Variants in PRKCG observed in about 807,000 individuals in gnomAD.
The protein encoded by PRKCG is protein kinase C gamma, also known as protein kinase C gamma type.
A neutral mutation model predicts 82.0 loss-of-function variants in PRKCG; 28 were observed. That is an observed-to-expected ratio of 0.34 (90% confidence interval 0.25 to 0.47). PRKCG has a LOEUF of 0.47. Ranked by LOEUF, PRKCG falls within the 20% of genes least tolerant of loss-of-function variation. PRKCG has a pLI of 1.00. For missense variants in PRKCG, 640 were observed against 952.7 expected, an observed-to-expected ratio of 0.67 and a Z score of 4.32; for synonymous variants, 383 against 376.6, an observed-to-expected ratio of 1.02 and a Z score of -0.20.
At chr19:53,904,522 T>C (rs977919144) in intron 15 of PRKCG, 113 bp from the exon 16 acceptor site, 9 of 823,320 alleles carry the variant, frequency 1.1e-5, no homozygotes, top group Admixed American at 4.0e-5. Context: ...CAGGTGTGCA[T>C]GTGGGGCGTG....
At chr19:53,890,183 C>G (rs894961859) in intron 5 of PRKCG, among the ~76,000 whole-genome samples, 166 bp downstream of exon 5, 32 of 152,294 alleles carry the variant, frequency 2.1e-4, no homozygotes, top group African/African-American at 7.7e-4. Flanking sequence ...GCACACCCAG[C>G]CATACCCCTT....
rs1183308331 is a variant in PRKCG, at chr19:53,883,684, G to C, written c.203-477G>C. ...CTTGAGCACCAGCTGCTACTGCTGA[G>C]AACAGAGTGAGTCAGGGTGGGGGGC... On this transcript the variant is annotated intron_variant, in intron 2 of 17. Transcript: ENST00000263431. This position sits in a 1 kb window ranked among gnomAD's most constrained non-coding sequence, Gnocchi z 5.4. Among the ~76,000 whole-genome samples, 1 of 131,676 alleles carries C rather than the reference G, an allele frequency of 7.6e-6. No individual in the cohort carries two copies. The highest frequency in any genetic ancestry group is 7.7e-5 in the Admixed American group (1 of 12,966). The allele number at this position is 131,676 out of a possible 152,430, so 86.4% of individuals were successfully genotyped here.
At chr19:53,902,940 A>G (rs1210431312) in intron 14 of PRKCG, 133 bp from the exon 15 acceptor site, 2 of 697,460 alleles carry the variant, frequency 2.9e-6, no homozygotes, top group African/African-American at 3.6e-5. Context: ...CACCTGATGA[A>G]ATAAATATTC....
chr19:53,903,590 C>A (rs1239631201), intron 15 of PRKCG, among the ~76,000 whole-genome samples: 1 of 152,070 alleles, frequency 6.6e-6, no homozygotes, highest in Non-Finnish European at 1.5e-5. Context: ...TCTTGATCAT[C>A]TTCTTAGCTG....
At chr19:53,894,355 A>G (rs1025412866) in intron 9 of PRKCG, among the ~76,000 whole-genome samples, 10 of 152,190 alleles carry the variant, frequency 6.6e-5, no homozygotes, top group South Asian at 2.1e-4. Flanking sequence ...GTGAGCCACC[A>G]CACCCAGCCG....
Position 53,892,690 on chromosome 19 carries a change from C to T in PRKCG, c.821+47C>T. On this transcript the variant is annotated intron_variant, in intron 7 of 17. Transcript: ENST00000263431. This position sits in a 1 kb window ranked among gnomAD's most constrained non-coding sequence, Gnocchi z 5.9. ...TGGGGATGGAGCGCAATATTACCAT[C>T]TCCATCTGTGTGTGGTCTCTCTCCT... is the stretch of plus-strand genomic sequence containing the variant. 6.3e-7 allele frequency: 1 copy of T among 1,591,852 alleles called. No individual in the cohort carries two copies. The highest frequency in any genetic ancestry group is 2.2e-5 in the East Asian group (1 of 44,508).
intron 8 of PRKCG, 96 bp from the exon 9 acceptor site, chr19:53,893,266 C>T (rs1454553334): frequency 1.3e-5 from 19 of 1,411,260 alleles, no homozygotes; most frequent in Non-Finnish European, 1.8e-5. Context: ...TCCTATCTAT[C>T]GCCATGGCTT....
chr19:53,890,941 A>T (rs1040289863), intron 5 of PRKCG, among the ~76,000 whole-genome samples: 11 of 149,452 alleles, frequency 7.4e-5, no homozygotes, highest in African/African-American at 2.7e-4. Context: ...TAGTAGAGAC[A>T]GGGTTTCACC....
At chr19:53,902,987 G>A in intron 14 of PRKCG, 86 bp from the exon 15 acceptor site, 1 of 880,970 alleles carries the variant, frequency 1.1e-6, no homozygotes, top group Admixed American at 1.7e-5. Context: ...CACTTAACGT[G>A]GGTAGCGCTC....
At chr19:53,890,127 C>T in intron 5 of PRKCG, 110 bp downstream of exon 5, 1 of 1,214,156 alleles carries the variant, frequency 8.2e-7, no homozygotes, top group Non-Finnish European at 1.2e-6. Context: ...GGCCACGCCT[C>T]TTTCTATGGT....
In PRKCG at chr19:53,892,485, C is replaced by G. The variant is rs200450431; in HGVS notation, c.687-24C>G. ...GGGAGCCATGAGCTCGGCTCTGCACCCCATCCACCCCACCTTCCTGCAGCA... is the reference window on the plus strand; with the variant it reads ...GGGAGCCATGAGCTCGGCTCTGCACGCCATCCACCCCACCTTCCTGCAGCA... On this transcript the variant is annotated intron_variant, in intron 6 of 17. Transcript: ENST00000263431. This position sits in a 1 kb window ranked among gnomAD's most constrained non-coding sequence, Gnocchi z 5.9. 2 of 1,605,656 alleles carry G rather than the reference C, an allele frequency of 1.2e-6. No individual in the cohort carries two copies. The highest frequency in any genetic ancestry group is 2.7e-5 in the African/African-American group (2 of 74,978).
In PRKCG at chr19:53,900,091, C is replaced by A; in HGVS notation, c.1282-142C>A. On this transcript the variant is annotated intron_variant, in intron 11 of 17. Transcript: ENST00000263431. The surrounding 1 kb of genome is among the most constrained non-coding windows in gnomAD (Gnocchi z 4.2). ...GTAGCAGGATTAGCACCTTAGGGCC[C>A]TCCCAGGGATGTGGCTAGGTGCTCT... The A allele has an allele frequency of 1.3e-6, 1 of 790,246 alleles. No homozygotes were observed. 49.0% of individuals were successfully genotyped at this position (790,246 alleles called of 1,614,324 possible).
At chr19:53,882,119 C>G (rs1287974736), upstream of PRKCG, 1 of 298,898 alleles carries the variant, frequency 3.3e-6, no homozygotes, top group Non-Finnish European at 6.4e-6. This position sits in a 1 kb window ranked among gnomAD's most constrained non-coding sequence, Gnocchi z 6.1. Flanking sequence ...TCCCGTGTCT[C>G]CGGGAGGGGA....
At chr19:53,888,053 C>T (rs903782616) in intron 3 of PRKCG, among the ~76,000 whole-genome samples, 6 of 152,142 alleles carry the variant, frequency 3.9e-5, no homozygotes, top group Admixed American at 2.0e-4. Context: ...TTAACAGCGA[C>T]GTTCACTTTT....
In PRKCG at chr19:53,889,996, G is replaced by T; in HGVS notation, c.508G>T (p.Ala170Ser). ...RLQLEIRAPT[A>S]DEIHVTVGEA... Reference sequence around the variant, plus strand: ...GCAGCTGGAGATCCGGGCTCCCACAGCAGATGAGATCCACGTAACTGGTGA... The same window carrying T: ...GCAGCTGGAGATCCGGGCTCCCACATCAGATGAGATCCACGTAACTGGTGA... Residue 170 changes from alanine to serine, a missense_variant, in exon 5 of 18, where the codon GCA becomes TCA. This residue lies in a region of PRKCG where 261 missense variants were observed against 312.1 expected (regional missense o/e 0.84). Transcript: ENST00000263431. This position sits in a 1 kb window ranked among gnomAD's most constrained non-coding sequence, Gnocchi z 4.4. 1 of 1,567,882 alleles carries T rather than the reference G, an allele frequency of 6.4e-7. No homozygotes were observed. Among genetic ancestry groups the T allele is most frequent in the Non-Finnish European group, 8.6e-7 (1 of 1,158,722 alleles).
In PRKCG at chr19:53,892,680, A is replaced by G. The variant is rs368802774; in HGVS notation, c.821+37A>G. ...GGCTGGGGCCTGGGGATGGAGCGCA[A>G]TATTACCATCTCCATCTGTGTGTGG... On this transcript the variant is annotated intron_variant, in intron 7 of 17. Transcript: ENST00000263431. This position sits in a 1 kb window ranked among gnomAD's most constrained non-coding sequence, Gnocchi z 5.9. 1.9e-6 allele frequency: 3 copies of G among 1,599,162 alleles called. No homozygotes were observed. Among genetic ancestry groups the G allele is most frequent in the Non-Finnish European group, 2.6e-6 (3 of 1,176,248 alleles).
At position 53,884,285 on chromosome 19, in the gene PRKCG, C is replaced by A. The variant is rs773249738; in HGVS notation, c.285+42C>A. 1 of 1,558,358 alleles carries A rather than the reference C, an allele frequency of 6.4e-7. No individual in the cohort carries two copies. Reference sequence around the variant, plus strand: ...CTGGTTCTCCTCCTCGGGCCGTGCCCCCGCCCTCACCCCCTCGGCGTCCGT... The same window carrying A: ...CTGGTTCTCCTCCTCGGGCCGTGCCACCGCCCTCACCCCCTCGGCGTCCGT... On this transcript the variant is annotated intron_variant, in intron 3 of 17. Transcript: ENST00000263431. This position sits in a 1 kb window ranked among gnomAD's most constrained non-coding sequence, Gnocchi z 4.6.
At chr19:53,896,765 G>GT (rs1299901316) in intron 9 of PRKCG, among the ~76,000 whole-genome samples, 1 of 152,186 alleles carries the variant, frequency 6.6e-6, no homozygotes, top group Non-Finnish European at 1.5e-5. Context: ...CAGTGTTACT[G>GT]TGTCTTAGCG....
In PRKCG at chr19:53,883,089, C is replaced by T. The variant is rs1599937488; in HGVS notation, c.171-74C>T. 4 of 1,569,464 alleles carry T rather than the reference C, an allele frequency of 2.5e-6. No individual in the cohort carries two copies. Among genetic ancestry groups the T allele is most frequent in the Non-Finnish European group, 3.5e-6 (4 of 1,139,856 alleles). On this transcript the variant is annotated intron_variant, in intron 1 of 17. Coordinates refer to ENST00000263431, the MANE Select transcript of PRKCG (RefSeq NM_002739.5). The surrounding 1 kb of genome is among the most constrained non-coding windows in gnomAD (Gnocchi z 5.4). ...CGGGAGGAGGGTCAGAGAGCGCAGG[C>T]CCCCTGTGGCTCGCAGAGGTTGGGG...
Sources: allele counts gnomAD v4.1 joint callset (sites outside exome capture counted in the v4.1 genomes callset), GRCh38; gene constraint gnomAD v4.1.1; regional missense constraint gnomAD v4.1.1; non-coding constraint Gnocchi (gnomAD v3.1); transcripts MANE v1.5; gene names NCBI Gene and HGNC (gene_info 2026-07-23, HGNC 2026-07-21).